The following LY75 variants were observed in gnomAD, a reference collection of about 807,000 sequenced individuals.
LY75 encodes C-type lectin domain family 13 member B.
LY75 carries 185 observed loss-of-function variants against 231.7 expected under a neutral mutation model. That is an observed-to-expected ratio of 0.80 (90% CI 0.71 to 0.90). LY75 has a LOEUF of 0.90. Among genes scored for constraint, LY75 ranks in the 40% least tolerant of loss-of-function variants. LY75 has a pLI of 0.00. For synonymous variants in LY75, 668 were observed against 689.0 expected (o/e 0.97, Z 0.48); for missense variants, 1,947 against 2,050.2 (o/e 0.95, Z 0.97).
At chr2:159,864,208 T>A (rs1265350814) in intron 14 of LY75, among the ~76,000 whole-genome samples, 1 of 152,186 alleles carries the variant, frequency 6.6e-6, no homozygotes, top group African/African-American at 2.4e-5. Flanking sequence ...CTCTGTTGAT[T>A]GTTTCCTTTA....
In LY75 at chr2:159,815,600, T is replaced by G. The variant is rs1361085186; in HGVS notation, c.4381-27A>C. On this transcript the variant is annotated intron_variant, in intron 30 of 34. Transcript: ENST00000263636. ...TGTTGTAAGAACAATAGAGATAACC[T>G]GAATCCAGATGTTTGACTTCAAAAA... 3.1e-6 allele frequency: 5 copies of G among 1,590,136 alleles called. No individual in the cohort carries two copies. In the Admixed American group the frequency reaches 9.7e-5, roughly 31 times the overall value.
In LY75 at chr2:159,840,717, C is replaced by T. The variant is rs764286532; in HGVS notation, c.3507+12G>A. Reference sequence around the variant, plus strand: ...CATCACCCAGTCCTGGCAGTTGGGACTGAACACTTACATCTTGACTGAAGA... The same window carrying T: ...CATCACCCAGTCCTGGCAGTTGGGATTGAACACTTACATCTTGACTGAAGA... On this transcript the variant is annotated intron_variant, in intron 25 of 34. Transcript: ENST00000263636. 2 of 1,613,968 alleles carry T rather than the reference C, an allele frequency of 1.2e-6. No homozygotes were observed. Among genetic ancestry groups the T allele is most frequent in the South Asian group, 1.1e-5 (1 of 91,088 alleles).
Position 159,815,642 on chromosome 2 carries a change from A to G in LY75, c.4381-69T>C, listed in dbSNP as rs114225193. ...CTTCAAAAAGAATACAAAGAACAAC[A>G]TACATACTTTAAGAAATATTATAAT... On this transcript the variant is annotated intron_variant, in intron 30 of 34. Transcript: ENST00000263636. 1,710 of 1,524,618 alleles carry G rather than the reference A, an allele frequency of 1.1e-3. 13 individuals are homozygous for G. In the African/African-American group the frequency reaches 0.022, roughly 19 times the overall value. The allele number at this position is 1,524,618 out of a possible 1,614,324, so 94.4% of individuals were successfully genotyped here.
intron 8 of LY75, among the ~76,000 whole-genome samples, chr2:159,880,299 G>C (rs1034182758): frequency 3.3e-5 from 5 of 152,180 alleles, no homozygotes; most frequent in Non-Finnish European, 7.4e-5. Flanking sequence ...AAATGTTTAA[G>C]CATTCTATAG....
intron 16 of LY75, among the ~76,000 whole-genome samples, chr2:159,857,702 A>G (rs1250174001): frequency 6.6e-6 from 1 of 152,216 alleles, no homozygotes; most frequent in Non-Finnish European, 1.5e-5. Flanking sequence ...AGATTGTGCT[A>G]CTGCACTCCA....
chr2:159,876,870 A>T (rs1186676233), intron 11 of LY75, among the ~76,000 whole-genome samples: 1 of 151,798 alleles, frequency 6.6e-6, no homozygotes, highest in East Asian at 1.9e-4. Context: ...TTAGCTGGGC[A>T]TGGTGGCAGG....
chr2:159,882,445 G>A (rs1685465334), intron 6 of LY75, 130 bp from the exon 7 acceptor site: 3 of 1,288,672 alleles, frequency 2.3e-6, no homozygotes, highest in Non-Finnish European at 3.1e-6. Context: ...ATGCTACGGT[G>A]ACATGAATTC....
At chr2:159,867,813 T>C (rs1684901016) in intron 13 of LY75, among the ~76,000 whole-genome samples, 1 of 152,200 alleles carries the variant, frequency 6.6e-6, no homozygotes, top group Non-Finnish European at 1.5e-5. Flanking sequence ...TGCCCTACAG[T>C]GGCTGTCCCT....
intron 23 of LY75, among the ~76,000 whole-genome samples, chr2:159,849,048 T>C (rs2125852886): frequency 6.6e-6 from 1 of 152,274 alleles, no homozygotes; most frequent in African/African-American, 2.4e-5. Context: ...AAGATTAGGG[T>C]TGACATTTTT....
At chr2:159,828,553 TG>T (rs1268881234) in intron 28 of LY75, among the ~76,000 whole-genome samples, 1 of 151,968 alleles carries the variant, frequency 6.6e-6, no homozygotes, top group Admixed American at 6.6e-5. Flanking sequence ...GAATGGAAAA[TG>T]GTATAGCTGG....
chr2:159,822,328 C>A (rs1482439629), intron 28 of LY75, among the ~76,000 whole-genome samples: 4 of 152,176 alleles, frequency 2.6e-5, no homozygotes, highest in Non-Finnish European at 5.9e-5. Flanking sequence ...CTGAGATTGA[C>A]CTGGGACGCT....
intron 4 of LY75, 144 bp from the exon 5 acceptor site, chr2:159,886,674 G>A (rs1685597736): frequency 1.4e-6 from 1 of 726,172 alleles, no homozygotes; most frequent in South Asian, 2.5e-5. Context: ...ATGCATCAAA[G>A]GTAGGCAATG....
At chr2:159,841,750 ATTAAAAATATGAAGTTT>A (rs1684036714) in intron 24 of LY75, among the ~76,000 whole-genome samples, 1 of 152,130 alleles carries the variant, frequency 6.6e-6, no homozygotes, top group African/African-American at 2.4e-5. Context: ...ACTGCACTCA[ATTAAAAATATGAAGTTT>A]TTTTCTCCTT....
chr2:159,831,937 C>A, intron 27 of LY75, 151 bp from the exon 28 acceptor site: 1 of 647,466 alleles, frequency 1.5e-6, no homozygotes. Flanking sequence ...ATAAAATTAT[C>A]CCATTGTACT....
In LY75 at chr2:159,810,619, C is replaced by A. The variant is rs767524774; in HGVS notation, c.4606G>T (p.Gly1536Trp). The change falls in exon 32 of 35, where the codon GGG becomes TGG. Residue 1536 changes from glycine to tryptophan, a missense_variant. Gly to Trp is a radical substitution (Grantham distance 184). Coordinates refer to ENST00000263636, the MANE Select transcript of LY75 (RefSeq NM_002349.4). ...SSRCPAAKEN[G>W]SRWIQYKGHC... ...CCCTTGTACTGGATCCACCGTGACC[C>A]ATTCTCTTTTGCTGCTGGACATCTT... The A allele has an allele frequency of 7.4e-6, 12 of 1,613,996 alleles. No individual in the cohort carries two copies. Among genetic ancestry groups the A allele is most frequent in the Non-Finnish European group, 9.3e-6 (11 of 1,179,948 alleles).
intron 13 of LY75, among the ~76,000 whole-genome samples, chr2:159,865,643 C>T (rs960528994): frequency 6.6e-6 from 1 of 152,070 alleles, no homozygotes; most frequent in African/African-American, 2.4e-5. Context: ...TTTTAGGTGA[C>T]ACAAAAGTTC....
intron 15 of LY75, 97 bp downstream of exon 15, chr2:159,860,724 G>A: frequency 6.9e-7 from 1 of 1,438,980 alleles, no homozygotes; most frequent in South Asian, 1.2e-5. Context: ...CTAACATCAT[G>A]CTTCACATAA....
intron 15 of LY75, among the ~76,000 whole-genome samples, chr2:159,859,783 T>C (rs1331437660): frequency 6.6e-6 from 1 of 152,184 alleles, no homozygotes; most frequent in East Asian, 1.9e-4. Flanking sequence ...TAACAGTGCC[T>C]ACCTCACAAG....
At chr2:159,826,667 G>A (rs530097818) in intron 28 of LY75, among the ~76,000 whole-genome samples, 1 of 152,228 alleles carries the variant, frequency 6.6e-6, no homozygotes, top group East Asian at 1.9e-4. Context: ...TGGACAAGAA[G>A]AACAAAGATG....
Sources: gnomAD v4.1 joint callset for allele counts (sites outside exome capture counted in the v4.1 genomes callset) on GRCh38, gnomAD v4.1.1 for gene constraint, MANE v1.5 for transcripts, NCBI Gene and HGNC (gene_info 2026-07-23, HGNC 2026-07-21) for gene names.